DOCK10: variants seen among roughly 807,000 people sequenced by gnomAD.
The protein encoded by DOCK10 is dedicator of cytokinesis 10, also known as dedicator of cytokinesis protein 10.
A neutral mutation model predicts 280.1 loss-of-function variants in DOCK10; 145 were observed. The ratio of observed to expected loss-of-function variants is 0.52; its 90% CI spans 0.45 to 0.59. DOCK10 has a LOEUF of 0.59. Among genes scored for constraint, DOCK10 ranks in the 20% least tolerant of loss-of-function variants. The pLI is 0.00. For missense variants in DOCK10, 2,368 were observed against 2,651.7 expected, an observed-to-expected ratio of 0.89 and a Z score of 2.35; for synonymous variants, 915 against 942.2, an observed-to-expected ratio of 0.97 and a Z score of 0.53.
intron 47 of DOCK10, among the ~76,000 whole-genome samples, chr2:224,792,379 G>A (rs1692261176): frequency 6.6e-6 from 1 of 152,094 alleles, no homozygotes; most frequent in Non-Finnish European, 1.5e-5. Context: ...CGCCTCCTGG[G>A]TTCAAGTGAT....
Position 224,805,336 on chromosome 2 carries a change from C to T in DOCK10, c.3937-16G>A, listed in dbSNP as rs1220851406. The T allele has an allele frequency of 6.2e-7, 1 of 1,612,652 alleles. No individual in the cohort carries two copies. Among genetic ancestry groups the T allele is most frequent in the Admixed American group, 1.7e-5 (1 of 59,862 alleles). On this transcript the variant is annotated splice_polypyrimidine_tract_variant and intron_variant, in intron 35 of 55. Coordinates refer to ENST00000258390, the MANE Select transcript of DOCK10 (RefSeq NM_014689.3). The surrounding 1 kb of genome is among the most constrained non-coding windows in gnomAD (Gnocchi z 4.3). Reference sequence around the variant, plus strand: ...GTCTTGGGATCTGGGAATTCAAGAACCAATCAGGATTGAGTGAGAGTGAGT... The same window carrying T: ...GTCTTGGGATCTGGGAATTCAAGAATCAATCAGGATTGAGTGAGAGTGAGT...
chr2:224,798,634 C>CTTT (rs202006772), intron 41 of DOCK10, among the ~76,000 whole-genome samples: 2 of 142,422 alleles, frequency 1.4e-5, no homozygotes, highest in Non-Finnish European at 3.1e-5. Flanking sequence ...CTGGCTCAAT[C>CTTT]TTTTTTTTTT....
At chr2:224,946,368 T>C (rs917020145) in intron 1 of DOCK10, among the ~76,000 whole-genome samples, 3 of 152,200 alleles carry the variant, frequency 2.0e-5, no homozygotes, top group Non-Finnish European at 4.4e-5. Context: ...CAAATGCTTA[T>C]TTACTTTTTC....
chr2:224,958,328 C>T (rs936243936), intron 1 of DOCK10, among the ~76,000 whole-genome samples: 6 of 151,940 alleles, frequency 3.9e-5, no homozygotes, highest in South Asian at 2.1e-4. Flanking sequence ...GGAGGAGCTC[C>T]GGGCACAAAA....
In DOCK10 at chr2:224,864,607, C is replaced by A; in HGVS notation, c.1548G>T (p.Met516Ile). Residue 516 changes from methionine (M) to isoleucine (I), a missense_variant, in exon 13 of 56, where the codon ATG becomes ATT. By Grantham distance (10) the Met-to-Ile change is conservative (BLOSUM62 1). Transcript: ENST00000258390. ...GTTCGGCACCACTTGCAATGTTTCC[C>A]ATCAAGACTTTTTCGATTTTGGCCA... ...VLVAKIEKVL[M>I]GNIASGAEPY... 13 of 1,613,288 alleles carry A rather than the reference C, an allele frequency of 8.1e-6. No homozygotes were observed. Among genetic ancestry groups the A allele is most frequent in the Non-Finnish European group, 1.0e-5 (12 of 1,179,742 alleles).
chr2:224,895,006 G>A (rs890425361), intron 4 of DOCK10, among the ~76,000 whole-genome samples: 4 of 152,088 alleles, frequency 2.6e-5, no homozygotes, highest in African/African-American at 7.2e-5. Flanking sequence ...ATCTTATTAC[G>A]CCCCTTTCAT....
chr2:224,788,740 G>C (rs545543977), intron 48 of DOCK10, among the ~76,000 whole-genome samples: 8 of 152,084 alleles, frequency 5.3e-5, no homozygotes, highest in Non-Finnish European at 1.2e-4. Context: ...AAATAAACTT[G>C]CTAATGCTTT....
intron 1 of DOCK10, among the ~76,000 whole-genome samples, chr2:224,937,389 T>C (rs892307016): frequency 6.6e-6 from 1 of 152,230 alleles, no homozygotes; most frequent in Non-Finnish European, 1.5e-5. Context: ...TATTTGAAGA[T>C]GATTGAAAAT....
chr2:224,989,426 A>T (rs575695375), intron 1 of DOCK10, among the ~76,000 whole-genome samples: 58 of 152,248 alleles, frequency 3.8e-4, no homozygotes, highest in African/African-American at 1.3e-3. Flanking sequence ...TCACAGCATC[A>T]TTGTCATCAT....
At chr2:224,797,639 G>A (rs1458207551) in intron 42 of DOCK10, among the ~76,000 whole-genome samples, 193 bp downstream of exon 42, 2 of 152,134 alleles carry the variant, frequency 1.3e-5, no homozygotes, top group Non-Finnish European at 2.9e-5. Context: ...ATATCTTCTG[G>A]TATTTGAGCA....
intron 31 of DOCK10, among the ~76,000 whole-genome samples, chr2:224,813,045 T>C (rs2125270039): frequency 6.6e-6 from 1 of 152,350 alleles, no homozygotes; most frequent in South Asian, 2.1e-4. Flanking sequence ...TTGATTGGAA[T>C]GTACATTTGA....
chr2:224,914,306 A>G (rs1701195856), intron 3 of DOCK10, among the ~76,000 whole-genome samples: 2 of 152,294 alleles, frequency 1.3e-5, no homozygotes, highest in South Asian at 4.1e-4. Flanking sequence ...GAGTGCCCCA[A>G]TTTATTTTTT....
At chr2:224,877,876 A>G (rs1417703182) in intron 7 of DOCK10, among the ~76,000 whole-genome samples, 1 of 152,218 alleles carries the variant, frequency 6.6e-6, no homozygotes, top group Non-Finnish European at 1.5e-5. Flanking sequence ...ATTACTGAAG[A>G]TACTTCATCT....
At chr2:224,926,455 C>A (rs1702049499) in intron 2 of DOCK10, among the ~76,000 whole-genome samples, 1 of 152,152 alleles carries the variant, frequency 6.6e-6, no homozygotes, top group African/African-American at 2.4e-5. Flanking sequence ...AATCCCAGCA[C>A]TTTGAGAGGC....
chr2:224,960,267 G>C (rs1704289941), intron 1 of DOCK10, among the ~76,000 whole-genome samples: 1 of 152,164 alleles, frequency 6.6e-6, no homozygotes, highest in Non-Finnish European at 1.5e-5. Context: ...CCTCCAGTCT[G>C]AGGGGATTCC....
chr2:225,016,543 CTA>C (rs1689596019), intron 1 of DOCK10, among the ~76,000 whole-genome samples: 4 of 143,474 alleles, frequency 2.8e-5, no homozygotes, highest in Admixed American at 2.8e-4. Flanking sequence ...ATACATATAT[CTA>C]TATGCACATA....
chr2:224,842,092 C>A (rs1475848555), intron 22 of DOCK10, among the ~76,000 whole-genome samples, 196 bp from the exon 23 acceptor site: 1 of 152,152 alleles, frequency 6.6e-6, no homozygotes, highest in East Asian at 1.9e-4. Flanking sequence ...AACTACAAAG[C>A]CCACTCTCTC....
At chr2:224,932,416 G>T (rs972818046) in intron 1 of DOCK10, among the ~76,000 whole-genome samples, 1 of 152,176 alleles carries the variant, frequency 6.6e-6, no homozygotes, top group Admixed American at 6.6e-5. Context: ...TTATAGGGTT[G>T]ATGTGTTTGT....
At chr2:224,794,073 C>A (rs1168549074) in intron 45 of DOCK10, among the ~76,000 whole-genome samples, 1 of 152,174 alleles carries the variant, frequency 6.6e-6, no homozygotes, top group Non-Finnish European at 1.5e-5. Context: ...TCAGCTTTTT[C>A]CTTTTGAGGT....
Sources: gnomAD v4.1 joint callset for allele counts (sites outside exome capture counted in the v4.1 genomes callset) on GRCh38, gnomAD v4.1.1 for gene constraint, Gnocchi (gnomAD v3.1) non-coding constraint, MANE v1.5 for transcripts, NCBI Gene and HGNC (gene_info 2026-07-23, HGNC 2026-07-21) for gene names.